The following SNTB2 variants were observed in gnomAD, a reference collection of about 807,000 sequenced individuals.
SNTB2 encodes beta-2-syntrophin.
SNTB2 carries 34 observed loss-of-function variants against 46.2 expected under a neutral mutation model. The ratio of observed to expected loss-of-function variants is 0.74; its 90% CI spans 0.56 to 0.98. The LOEUF is 0.98. SNTB2 is among the 50% of genes least tolerant of loss of function. The probability of loss-of-function intolerance (pLI) is 0.00; values close to 1 mark genes in which losing one functional copy is unlikely to be tolerated. For missense variants in SNTB2, 603 were observed against 731.4 expected (o/e 0.82, Z 2.02); for synonymous variants, 290 against 312.6 (o/e 0.93, Z 0.76).
intron 1 of SNTB2, among the ~76,000 whole-genome samples, chr16:69,189,688 G>GGCTGC (rs1964031777): frequency 6.6e-6 from 1 of 152,224 alleles, no homozygotes; most frequent in East Asian, 1.9e-4. Flanking sequence ...AGTGAGCCAA[G>GGCTGC]ATCTCACCAC....
intron 1 of SNTB2, among the ~76,000 whole-genome samples, chr16:69,217,982 T>C (rs999335359): frequency 6.6e-6 from 1 of 152,186 alleles, no homozygotes; most frequent in African/African-American, 2.4e-5. Context: ...CAGGACACTT[T>C]GTGTGTGTGG....
intron 2 of SNTB2, among the ~76,000 whole-genome samples, chr16:69,255,738 A>G (rs1326817903): frequency 2.6e-5 from 4 of 151,858 alleles, no homozygotes; most frequent in Non-Finnish European, 5.9e-5. Flanking sequence ...AAAACTAGCC[A>G]GGCTTGGTGG....
chr16:69,217,664 A>G (rs1964361748), intron 1 of SNTB2, among the ~76,000 whole-genome samples: 1 of 152,278 alleles, frequency 6.6e-6, no homozygotes, highest in Admixed American at 6.5e-5. Flanking sequence ...ATTTTATGCT[A>G]TCTTAAAAAA....
intron 1 of SNTB2, among the ~76,000 whole-genome samples, chr16:69,214,131 T>A (rs144075410): frequency 0.02 from 3,034 of 150,014 alleles, 28 homozygotes; most frequent in Non-Finnish European, 0.027. Flanking sequence ...CCTTTTATTT[T>A]TTTTTTTTTT....
intron 1 of SNTB2, among the ~76,000 whole-genome samples, chr16:69,215,189 T>A (rs778044221): frequency 3.9e-5 from 6 of 152,204 alleles, no homozygotes; most frequent in Non-Finnish European, 2.9e-5. Context: ...TTACTTACCA[T>A]CCTGGGTAAT....
intron 4 of SNTB2, among the ~76,000 whole-genome samples, chr16:69,278,513 T>C (rs1360523184): frequency 6.6e-6 from 1 of 150,868 alleles, no homozygotes; most frequent in African/African-American, 2.4e-5. Context: ...TGGAGGGCAG[T>C]GGTGCAATCT....
At chr16:69,291,862 C>T (rs1408300801) in intron 5 of SNTB2, among the ~76,000 whole-genome samples, 7 of 151,932 alleles carry the variant, frequency 4.6e-5, no homozygotes, top group Non-Finnish European at 7.4e-5. Flanking sequence ...TTGCTTAAGG[C>T]CTGCAGGTCC....
At chr16:69,199,861 A>C (rs895647114) in intron 1 of SNTB2, among the ~76,000 whole-genome samples, 1 of 152,142 alleles carries the variant, frequency 6.6e-6, no homozygotes, top group Non-Finnish European at 1.5e-5. Context: ...AATCAGGAGA[A>C]AGGGGGACTT....
intron 1 of SNTB2, among the ~76,000 whole-genome samples, chr16:69,233,854 G>T (rs557859617): frequency 5.9e-5 from 9 of 152,130 alleles, no homozygotes; most frequent in African/African-American, 1.7e-4. Flanking sequence ...GTGCATACCT[G>T]TAGTCCTAAT....
rs1965280177 is a variant in SNTB2, at chr16:69,301,985, A to T, written c.*1061A>T. ...GCTTGAGGAGTAGACTTGGTGGGTGAAGCCAGCAATTCCGCACAAACGTCA... is the reference window on the plus strand; with the variant it reads ...GCTTGAGGAGTAGACTTGGTGGGTGTAGCCAGCAATTCCGCACAAACGTCA... On this transcript the variant is annotated 3_prime_UTR_variant, in exon 7 of 7. Coordinates refer to ENST00000336278, the MANE Select transcript of SNTB2 (RefSeq NM_006750.4). 1 of 152,138 alleles carries T rather than the reference A, an allele frequency of 6.6e-6. No homozygotes were observed. Among genetic ancestry groups the T allele is most frequent in the Non-Finnish European group, 1.5e-5 (1 of 68,020 alleles). The allele number at this position is 152,138 out of a possible 1,614,324, so 9.4% of individuals were successfully genotyped here. A position where few individuals can be genotyped will look rare whatever the true frequency, so the allele number is the denominator to read the frequency against.
chr16:69,222,138 T>C (rs1017084900), intron 1 of SNTB2, among the ~76,000 whole-genome samples: 2 of 152,250 alleles, frequency 1.3e-5, no homozygotes, highest in East Asian at 3.8e-4. Flanking sequence ...TGGCATCGTT[T>C]TAAATTAATT....
At chr16:69,217,652 T>C (rs960310492) in intron 1 of SNTB2, among the ~76,000 whole-genome samples, 5 of 152,224 alleles carry the variant, frequency 3.3e-5, no homozygotes, top group African/African-American at 1.2e-4. Flanking sequence ...TAGTGCTTTA[T>C]GATTTTATGC....
chr16:69,263,317 C>T (rs1365321512), intron 3 of SNTB2, among the ~76,000 whole-genome samples: 1 of 152,000 alleles, frequency 6.6e-6, no homozygotes, highest in African/African-American at 2.4e-5. Flanking sequence ...ACTGTGTTGC[C>T]CAGGCTGGTC....
chr16:69,217,116 A>T (rs993838323), intron 1 of SNTB2, among the ~76,000 whole-genome samples: 2 of 152,178 alleles, frequency 1.3e-5, no homozygotes, highest in Non-Finnish European at 2.9e-5. Flanking sequence ...ACAGTACGTT[A>T]ACGGTAAAGT....
chr16:69,208,904 G>T (rs1371090521), intron 1 of SNTB2, among the ~76,000 whole-genome samples: 1 of 152,042 alleles, frequency 6.6e-6, no homozygotes, highest in South Asian at 2.1e-4. Flanking sequence ...ACCTAGCATA[G>T]TACCTTACTC....
intron 3 of SNTB2, among the ~76,000 whole-genome samples, chr16:69,260,688 C>G (rs909009679): frequency 1.3e-5 from 2 of 152,182 alleles, no homozygotes; most frequent in Non-Finnish European, 2.9e-5. Context: ...TTCAGTAAAA[C>G]TTTATTTACA....
chr16:69,284,730 C>T (rs1037083858), intron 5 of SNTB2, among the ~76,000 whole-genome samples: 3 of 152,110 alleles, frequency 2.0e-5, no homozygotes, highest in Non-Finnish European at 2.9e-5. Flanking sequence ...GCCAAGATCA[C>T]ACCACTGCAC....
At chr16:69,265,181 G>A (rs749070720) in intron 3 of SNTB2, among the ~76,000 whole-genome samples, 3 of 152,040 alleles carry the variant, frequency 2.0e-5, no homozygotes, top group Non-Finnish European at 4.4e-5. Context: ...CCCAGGAGGC[G>A]GAGCTTGCAG....
At chr16:69,267,583 C>A (rs932601987) in intron 3 of SNTB2, among the ~76,000 whole-genome samples, 1 of 152,198 alleles carries the variant, frequency 6.6e-6, no homozygotes, top group Non-Finnish European at 1.5e-5. Flanking sequence ...ATGCATAATT[C>A]TTTCTACAGT....
Sources: allele counts gnomAD v4.1 joint callset (sites outside exome capture counted in the v4.1 genomes callset), GRCh38; gene constraint gnomAD v4.1.1; transcripts MANE v1.5; gene names NCBI Gene and HGNC (gene_info 2026-07-23, HGNC 2026-07-21).